The following EVC2 variants were observed in gnomAD, a reference collection of about 807,000 sequenced individuals.
The protein encoded by EVC2 is limbin.
Under a neutral mutation model 149.3 loss-of-function variants are expected in EVC2, and 148 were observed. The observed-to-expected ratio is 0.99, with a 90% CI of 0.87 to 1.14. The LOEUF is 1.14. Among genes scored for constraint, EVC2 ranks in the 50% most tolerant of loss-of-function variants. The probability of loss-of-function intolerance (pLI) is 0.00; values close to 1 mark genes in which losing one functional copy is unlikely to be tolerated. For synonymous variants in EVC2, 776 were observed against 649.9 expected (o/e 1.19, Z -2.95); for missense variants, 1,854 against 1,627.3 (o/e 1.14, Z -2.40).
chr4:5,628,997 T>C (rs1452763774), intron 11 of EVC2, among the ~76,000 whole-genome samples: 1 of 152,148 alleles, frequency 6.6e-6, no homozygotes. Flanking sequence ...CTACGGAACA[T>C]AAATTTCACT....
chr4:5,587,750 C>T (rs1021286553), intron 16 of EVC2, among the ~76,000 whole-genome samples: 5 of 152,072 alleles, frequency 3.3e-5, no homozygotes, highest in African/African-American at 1.2e-4. Context: ...GTGAGAGGGT[C>T]GTGATTGAGC....
chr4:5,539,776 AACACAC>A (rs55685347), downstream of EVC2, among the ~76,000 whole-genome samples: 337 of 150,346 alleles, frequency 2.2e-3, no homozygotes, highest in South Asian at 0.015. Flanking sequence ...ATACTACAAA[AACACAC>A]ACACACACAC....
At chr4:5,630,019 T>C (rs1716414476) in intron 11 of EVC2, among the ~76,000 whole-genome samples, 1 of 152,244 alleles carries the variant, frequency 6.6e-6, no homozygotes, top group African/African-American at 2.4e-5. Flanking sequence ...CAGCCACTGC[T>C]CATCATGAGA....
rs137852927 is a variant in EVC2 at position 5,576,247 on chromosome 4, G to A, written c.3265C>T (p.Gln1089Ter). The change falls in exon 18 of 22, where the codon CAG becomes TAG. Residue 1089 changes from glutamine to a stop codon, truncating the protein, a stop_gained. Coordinates refer to ENST00000344408, the MANE Select transcript of EVC2 (RefSeq NM_147127.5). LOFTEE classifies it high-confidence loss of function. This position sits in a 1 kb window ranked among gnomAD's most constrained non-coding sequence, Gnocchi z 4.5. Reference sequence around the variant, plus strand: ...ACGGGGCACACGGCATACCACTGCTGATGTTGCTCCAGTAATGTCTGGCTC... The same window carrying A: ...ACGGGGCACACGGCATACCACTGCTAATGTTGCTCCAGTAATGTCTGGCTC... ...SKSQTLLEQH[Q>*]QCLREEQQNS... 6.4e-5 allele frequency: 103 copies of A among 1,614,078 alleles called. No individual in the cohort carries two copies. Among genetic ancestry groups the A allele is most frequent in the Admixed American group, 1.7e-5 (1 of 60,010 alleles).
At chr4:5,582,481 A>G (rs916546576) in intron 17 of EVC2, among the ~76,000 whole-genome samples, 1 of 152,234 alleles carries the variant, frequency 6.6e-6, no homozygotes, top group Non-Finnish European at 1.5e-5. Flanking sequence ...TGGAACAGGA[A>G]TATTTACCCA....
intron 16 of EVC2, among the ~76,000 whole-genome samples, chr4:5,594,574 C>A (rs545774325): frequency 3.9e-5 from 6 of 152,264 alleles, no homozygotes; most frequent in African/African-American, 1.4e-4. Context: ...CCCATCTGTA[C>A]ATCACCATCA....
rs1169318390 is a variant in EVC2, at chr4:5,631,889, G to A, written c.1614C>T (p.His538=). 6.2e-7 allele frequency: 1 copy of A among 1,614,208 alleles called. No individual in the cohort carries two copies. The highest frequency in any genetic ancestry group is 1.3e-5 in the African/African-American group (1 of 75,054). Residue 538 remains histidine (H), a synonymous_variant, in exon 11 of 22, where the codon CAC becomes CAT. Transcript: ENST00000344408. ...QLAVFQRNEL[H]SIFFTQIKSA... ...TTTTTATCTGGGTAAAAAAGATACT[G>A]TGCAGTTCATTTCTCTGGAAAACAG...
At chr4:5,531,380 T>A in the EVC2 span, among the ~76,000 whole-genome samples, 5 of 152,200 alleles carry the variant, frequency 3.3e-5, no homozygotes, top group Non-Finnish European at 7.3e-5. Flanking sequence ...CATCCTCCTA[T>A]GTACTTTAAG....
intron 5 of EVC2, among the ~76,000 whole-genome samples, chr4:5,687,084 C>G (rs1720769512): frequency 6.6e-6 from 1 of 151,682 alleles, no homozygotes; most frequent in Admixed American, 6.6e-5. Context: ...TGGTAAAATC[C>G]TGTCTCTACT....
Position 5,608,235 on chromosome 4 carries a change from G to A in EVC2, c.2829+7187C>T, listed in dbSNP as rs1050452009. Reference sequence around the variant, plus strand: ...AGTAAAGGAAGGGGTCACCCAGCAGGTACTCCCAGTCCCAGCATACTCTGC... The same window carrying A: ...AGTAAAGGAAGGGGTCACCCAGCAGATACTCCCAGTCCCAGCATACTCTGC... On this transcript the variant is annotated intron_variant, in intron 16 of 21. Transcript: ENST00000344408. Among the ~76,000 whole-genome samples, 6 of 152,274 alleles carry A rather than the reference G, an allele frequency of 3.9e-5. No individual in the cohort carries two copies. In the East Asian group the frequency reaches 1.2e-3, roughly 30 times the overall value.
In EVC2 at chr4:5,640,334, T is replaced by C. The variant is rs1202725319; in HGVS notation, c.1470+180A>G. Among the ~76,000 whole-genome samples, 2 of 151,776 alleles carry C rather than the reference T, an allele frequency of 1.3e-5. No homozygotes were observed. Among genetic ancestry groups the C allele is most frequent in the Non-Finnish European group, 2.9e-5 (2 of 67,926 alleles). On this transcript the variant is annotated intron_variant, in intron 10 of 21. Transcript: ENST00000344408. This position sits in a 1 kb window ranked among gnomAD's most constrained non-coding sequence, Gnocchi z 4.6. ...GGGTGGATGGACAGATGATGATGGA[T>C]GGACGGTGGGAATGGTTGGATGAAT...
intron 7 of EVC2, among the ~76,000 whole-genome samples, chr4:5,668,494 T>A (rs1310290120): frequency 6.6e-6 from 1 of 152,220 alleles, no homozygotes; most frequent in East Asian, 1.9e-4. Flanking sequence ...ACTCCATTTG[T>A]TCTGGACATG....
chr4:5,655,888 C>G (rs574424501), intron 9 of EVC2, among the ~76,000 whole-genome samples: 52 of 152,160 alleles, frequency 3.4e-4, no homozygotes, highest in Admixed American at 1.4e-3. Context: ...CACCACCCCA[C>G]AAGGATTTCC....
At chr4:5,706,401 G>GATAGATAGATAGATAGATAC (rs1577281530) in intron 1 of EVC2, among the ~76,000 whole-genome samples, 5 of 45,542 alleles carry the variant, frequency 1.1e-4, no homozygotes, top group East Asian at 5.9e-4. Context: ...TACATAGATA[G>GATAGATAGATAGATAGATAC]ATAGATAGAT....
chr4:5,568,432 C>CA lies in EVC2; in HGVS notation c.3557+11dup. On this transcript the variant is annotated intron_variant, in intron 20 of 21. Transcript: ENST00000344408. The stretch of plus-strand genomic sequence containing the variant: ...GACGTGCCCCGGGAGGCAGCCCCTC[C>CA]ACGGCACTCACCTCCGCCTGCCCAC... 1.3e-6 allele frequency: 2 copies of CA among 1,545,386 alleles called. No homozygotes were observed. The highest frequency in any genetic ancestry group is 1.7e-6 in the Non-Finnish European group (2 of 1,151,950).
rs1296231518 is a variant in EVC2, at chr4:5,637,494, T to C, written c.1470+3020A>G. 2.0e-5 allele frequency among the ~76,000 whole-genome samples: 3 copies of C among 152,184 alleles called. No homozygotes were observed. In the East Asian group the frequency reaches 5.8e-4, roughly 29 times the overall value. Reference sequence around the variant, plus strand: ...GCTTGGAACAATGCCAGACACACCATGCATGCTAAGGAAGGATGAGCTGTT... The same window carrying C: ...GCTTGGAACAATGCCAGACACACCACGCATGCTAAGGAAGGATGAGCTGTT... On this transcript the variant is annotated intron_variant, in intron 10 of 21. Coordinates refer to ENST00000344408, the MANE Select transcript of EVC2 (RefSeq NM_147127.5). The surrounding 1 kb of genome is among the most constrained non-coding windows in gnomAD (Gnocchi z 4.4).
chr4:5,639,714 G>T (rs951007641), intron 10 of EVC2, among the ~76,000 whole-genome samples: 7 of 152,214 alleles, frequency 4.6e-5, no homozygotes, highest in Non-Finnish European at 8.8e-5. Flanking sequence ...TCCAGAGGGG[G>T]ACACGTGGAC....
intron 21 of EVC2, among the ~76,000 whole-genome samples, chr4:5,563,338 C>T (rs754884098): frequency 1.8e-4 from 27 of 152,218 alleles, no homozygotes; most frequent in Non-Finnish European, 3.4e-4. Context: ...ATGACCATTC[C>T]ATTTTCAGGA....
At chr4:5,689,717 C>G (rs1315001820) in intron 4 of EVC2, among the ~76,000 whole-genome samples, 1 of 152,190 alleles carries the variant, frequency 6.6e-6, no homozygotes, top group African/African-American at 2.4e-5. Flanking sequence ...TTTGAAGATT[C>G]AGCCTCAGCC....
Sources: gnomAD v4.1 joint callset for allele counts (sites outside exome capture counted in the v4.1 genomes callset) on GRCh38, gnomAD v4.1.1 for gene constraint, Gnocchi (gnomAD v3.1) non-coding constraint, MANE v1.5 for transcripts, NCBI Gene and HGNC (gene_info 2026-07-23, HGNC 2026-07-21) for gene names.